Variants in RTKN observed in about 807,000 individuals in gnomAD.
RTKN encodes rhotekin.
A neutral mutation model predicts 63.5 loss-of-function variants in RTKN; 49 were observed. That is an observed-to-expected ratio of 0.77 (90% CI 0.61 to 0.98). The LOEUF is 0.98. Among genes scored for constraint, RTKN ranks in the 50% least tolerant of loss-of-function variants. The pLI is 0.00. For missense variants in RTKN, 685 were observed against 740.8 expected, an observed-to-expected ratio of 0.92 and a Z score of 0.87; for synonymous variants, 295 against 290.4, an observed-to-expected ratio of 1.02 and a Z score of -0.16.
At chr2:74,434,800 T>A (rs1011586696) in intron 1 of RTKN, among the ~76,000 whole-genome samples, 1 of 152,100 alleles carries the variant, frequency 6.6e-6, no homozygotes, top group South Asian at 2.1e-4. Flanking sequence ...TAAAAAAAAA[T>A]GATCAGGCCC....
At chr2:74,429,685 G>C in intron 6 of RTKN, 143 bp downstream of exon 6, 1 of 785,496 alleles carries the variant, frequency 1.3e-6, no homozygotes, top group Non-Finnish European at 2.1e-6. Flanking sequence ...ATGCCTCCCA[G>C]CTACGTGGCC....
At position 74,436,558 on chromosome 2, in the gene RTKN, C is replaced by A. The variant is rs935157278; in HGVS notation, c.112-3892G>T. ...ACGACGTGCTCCAGCTCCGGGAGGC[C>A]CCTCCCGCGTAGCGTTTGCCCTCCA... On this transcript the variant is annotated intron_variant, in intron 1 of 11. Coordinates refer to ENST00000272430, the MANE Select transcript of RTKN (RefSeq NM_001015055.2). The surrounding 1 kb of genome is among the most constrained non-coding windows in gnomAD (Gnocchi z 4.3). Among the ~76,000 whole-genome samples the A allele has an allele frequency of 2.0e-5, 3 of 152,160 alleles. No individual in the cohort carries two copies. The highest frequency in any genetic ancestry group is 4.4e-5 in the Non-Finnish European group (3 of 68,022).
At chr2:74,428,610 C>T (rs1229815245) in intron 8 of RTKN, 21 bp downstream of exon 8, 2 of 1,599,522 alleles carry the variant, frequency 1.3e-6, no homozygotes, top group Non-Finnish European at 1.7e-6. Context: ...TGCTCCCTTC[C>T]ACTCCTCAGG....
chr2:74,439,178 T>C lies in RTKN; in HGVS notation c.111+2528A>G, dbSNP rs115966812. Among the ~76,000 whole-genome samples the C allele has an allele frequency of 2.0e-3, 300 of 152,310 alleles. 1 individual carries two copies. The highest frequency in any genetic ancestry group is 7.0e-3 in the African/African-American group (290 of 41,562). Reference sequence around the variant, plus strand: ...GCTGTCTCAAGGGCCAGCAGAATCCTTACTCATAGCCCAGAGTCCTTCTCT... The same window carrying C: ...GCTGTCTCAAGGGCCAGCAGAATCCCTACTCATAGCCCAGAGTCCTTCTCT... On this transcript the variant is annotated intron_variant, in intron 1 of 11. Coordinates refer to ENST00000272430, the MANE Select transcript of RTKN (RefSeq NM_001015055.2).
rs774331135 is a variant in RTKN at position 74,430,290 on chromosome 2, C to T, written c.507G>A (p.Arg169=). Residue 169 remains arginine, a synonymous_variant, in exon 5 of 12, where the codon AGG becomes AGA. Transcript: ENST00000272430. Reference sequence around the variant, plus strand: ...TCTGAAAGGAGATGTCTGTGAGGGTCCTGTCCACTAGGATCATCTCTGTGT... The same window carrying T: ...TCTGAAAGGAGATGTCTGTGAGGGTTCTGTCCACTAGGATCATCTCTGTGT... ...IQDTEMILVD[R]TLTDISFQSN... The T allele has an allele frequency of 1.9e-6, 3 of 1,614,032 alleles. No homozygotes were observed. Among genetic ancestry groups the T allele is most frequent in the South Asian group, 1.1e-5 (1 of 91,042 alleles).
intron 1 of RTKN, chr2:74,440,659 C>T (rs1433790451): frequency 2.9e-5 from 22 of 768,004 alleles, no homozygotes; most frequent in Non-Finnish European, 3.3e-5. Flanking sequence ...GCCCCTTACT[C>T]CCCCACGCTG....
Position 74,434,280 on chromosome 2 carries a change from C to CTT in RTKN, c.112-1616_112-1615dup, listed in dbSNP as rs902132687. 3.2e-4 allele frequency among the ~76,000 whole-genome samples: 41 copies of CTT among 128,048 alleles called. No individual in the cohort carries two copies. The East Asian group carries it at 3.4e-3, about 11-fold the overall frequency. The allele number at this position is 128,048 out of a possible 152,430, so 84.0% of individuals were successfully genotyped here. On this transcript the variant is annotated intron_variant, in intron 1 of 11. Coordinates refer to ENST00000272430, the MANE Select transcript of RTKN (RefSeq NM_001015055.2). ...ACCACGCCCGAGTAAGTTTTGTATT[C>CTT]TTTTTTTTTTTTTTTTTTGAGACCG... is the stretch of plus-strand genomic sequence containing the variant.
At chr2:74,439,669 G>T (rs1349416031) in intron 1 of RTKN, 2 of 1,611,210 alleles carry the variant, frequency 1.2e-6, no homozygotes, top group Non-Finnish European at 1.7e-6. Context: ...CTCCAGAGGG[G>T]GGACAGATAG....
At chr2:74,430,071 A>G (rs767331885) in intron 5 of RTKN, 34 bp from the exon 6 acceptor site, 9 of 1,611,952 alleles carry the variant, frequency 5.6e-6, no homozygotes, top group African/African-American at 2.7e-5. Flanking sequence ...TGGTCACAGG[A>G]AAGTCCAGGG....
Position 74,432,493 on chromosome 2 carries a change from C to A in RTKN, c.285G>T (p.Ala95=), listed in dbSNP as rs139045616. Residue 95 remains alanine (A), a synonymous_variant, in exon 2 of 12, where the codon GCG becomes GCT. Transcript: ENST00000272430. ...GCCGGCTTGTCTTCCCCAGCACCTG[C>A]GCCTCCTTGCGCCGCTGCAGCTCGC... ...YMGELQRRKE[A]QVLGKTSRRP... is the part of the protein sequence containing the mutation. The A allele has an allele frequency of 3.7e-6, 6 of 1,611,564 alleles. No individual in the cohort carries two copies. Among genetic ancestry groups the A allele is most frequent in the Non-Finnish European group, 5.1e-6 (6 of 1,180,014 alleles).
At chr2:74,432,264 A>G (rs938150611) in intron 2 of RTKN, 5 of 704,838 alleles carry the variant, frequency 7.1e-6, no homozygotes, top group Non-Finnish European at 1.3e-5. Flanking sequence ...CGACTTTTCT[A>G]AGTCCTGCCC....
chr2:74,435,982 C>G (rs1264915888), intron 1 of RTKN, among the ~76,000 whole-genome samples: 3 of 152,238 alleles, frequency 2.0e-5, no homozygotes. Flanking sequence ...TTCCCAAAGC[C>G]CCTCACCAGG....
In RTKN at chr2:74,430,514, G is replaced by A; in HGVS notation, c.378C>T (p.Leu126=). The part of the protein sequence containing the change: ...PCRGRVCISD[L]RIPLMWKDTE... ...TGTCCTTCCACATGAGTGGAATCCGGAGGTCTAAGGGGCAGAGGGGTAAGA... is the reference window on the plus strand; with the variant it reads ...TGTCCTTCCACATGAGTGGAATCCGAAGGTCTAAGGGGCAGAGGGGTAAGA... The change falls in exon 4 of 12, where the codon CTC becomes CTT. Residue 126 remains leucine (L), a synonymous_variant. Transcript: ENST00000272430. 1.2e-6 allele frequency: 2 copies of A among 1,614,210 alleles called. No individual in the cohort carries two copies. Among genetic ancestry groups the A allele is most frequent in the Non-Finnish European group, 1.7e-6 (2 of 1,180,030 alleles).
intron 1 of RTKN, among the ~76,000 whole-genome samples, chr2:74,433,797 T>G (rs1198509184): frequency 1.3e-5 from 2 of 152,078 alleles, no homozygotes; most frequent in Non-Finnish European, 2.9e-5. Context: ...CCGGCCTCAT[T>G]GTGGCATTGT....
intron 2 of RTKN, 168 bp downstream of exon 2, chr2:74,432,299 G>T: frequency 2.6e-6 from 2 of 758,588 alleles, no homozygotes; most frequent in South Asian, 2.9e-5. Context: ...TGCGCCTCTG[G>T]GCAACACACA....
intron 2 of RTKN, chr2:74,431,995 C>CT: frequency 3.7e-6 from 1 of 269,154 alleles, no homozygotes; most frequent in Non-Finnish European, 7.3e-6. Context: ...AATGCACAAT[C>CT]TAATTTGTTT....
At chr2:74,430,879 C>T (rs1052701927) in intron 2 of RTKN, 58 of 592,092 alleles carry the variant, frequency 9.8e-5, no homozygotes, top group Non-Finnish European at 1.3e-4. Context: ...ACCAGGGACA[C>T]TCAAGCCACA....
chr2:74,433,254 A>C (rs1234012465), intron 1 of RTKN, among the ~76,000 whole-genome samples: 2 of 150,410 alleles, frequency 1.3e-5, no homozygotes, highest in South Asian at 2.1e-4. Context: ...AAAAAAAAAA[A>C]AACATATATA....
chr2:74,433,775 G>C (rs535394793), intron 1 of RTKN, among the ~76,000 whole-genome samples: 1 of 152,286 alleles, frequency 6.6e-6, no homozygotes, highest in African/African-American at 2.4e-5. Flanking sequence ...TTACAGGCGT[G>C]AGCCACCGCG....
Sources: allele counts gnomAD v4.1 joint callset (sites outside exome capture counted in the v4.1 genomes callset), GRCh38; gene constraint gnomAD v4.1.1; non-coding constraint Gnocchi (gnomAD v3.1); transcripts MANE v1.5; gene names NCBI Gene and HGNC (gene_info 2026-07-23, HGNC 2026-07-21).